MAGI2: variants seen among roughly 807,000 people sequenced by gnomAD.
The protein encoded by MAGI2 is membrane associated guanylate kinase, WW and PDZ domain containing 2, also known as membrane-associated guanylate kinase, WW and PDZ domain-containing protein 2.
MAGI2 carries 35 observed loss-of-function variants against 133.3 expected under a neutral mutation model. The ratio of observed to expected loss-of-function variants is 0.26; its 90% CI spans 0.20 to 0.35. The LOEUF is 0.35. Among genes scored for constraint, MAGI2 ranks in the 10% least tolerant of loss-of-function variants. MAGI2 has a pLI of 1.00. For synonymous variants in MAGI2, 729 were observed against 710.6 expected (o/e 1.03, Z -0.41); for missense variants, 1,636 against 1,863.4 (o/e 0.88, Z 2.25).
chr7:78,426,692 T>C (rs1037105654), intron 6 of MAGI2, among the ~76,000 whole-genome samples: 11 of 152,138 alleles, frequency 7.2e-5, no homozygotes, highest in African/African-American at 2.4e-4. Flanking sequence ...ACCACATATG[T>C]AATTGAAATT....
chr7:78,958,379 C>G (rs1221267167), intron 2 of MAGI2, among the ~76,000 whole-genome samples: 1 of 152,124 alleles, frequency 6.6e-6, no homozygotes, highest in Non-Finnish European at 1.5e-5. Flanking sequence ...CAGCCTGTTT[C>G]TAAGACTCCC....
At chr7:78,687,350 CATAGAG>C (rs1199379593) in intron 2 of MAGI2, among the ~76,000 whole-genome samples, 1 of 152,102 alleles carries the variant, frequency 6.6e-6, no homozygotes, top group African/African-American at 2.4e-5. Context: ...AATATAGTCA[CATAGAG>C]ATAAACTGTA....
intron 10 of MAGI2, among the ~76,000 whole-genome samples, chr7:78,246,102 G>A (rs921450517): frequency 2.0e-5 from 3 of 152,036 alleles, no homozygotes; most frequent in Non-Finnish European, 4.4e-5. Context: ...GTCAATCAGG[G>A]CCCAAAATAA....
intron 3 of MAGI2, among the ~76,000 whole-genome samples, chr7:78,563,375 C>A (rs1800606809): frequency 2.0e-5 from 3 of 152,186 alleles, no homozygotes; most frequent in Admixed American, 1.3e-4. Flanking sequence ...GGGCAGCATG[C>A]ACCTTCCCGT....
chr7:79,163,874 G>A (rs1824662203), intron 1 of MAGI2, among the ~76,000 whole-genome samples: 1 of 151,962 alleles, frequency 6.6e-6, no homozygotes, highest in South Asian at 2.1e-4. Context: ...AGGCACAATT[G>A]AAGACTCAGA....
chr7:78,437,187 G>A (rs1273790807), intron 6 of MAGI2, among the ~76,000 whole-genome samples: 2 of 152,146 alleles, frequency 1.3e-5, no homozygotes, highest in African/African-American at 4.8e-5. Flanking sequence ...TGGTGTGTCA[G>A]GCAATCCACG....
At chr7:79,290,528 A>T (rs12706102) in intron 1 of MAGI2, among the ~76,000 whole-genome samples, 91,564 of 151,798 alleles carry the variant, frequency 0.6, 29,295 homozygotes, top group Non-Finnish European at 0.7. Flanking sequence ...ATGCCAAAAA[A>T]TAAACATTCC....
intron 2 of MAGI2, among the ~76,000 whole-genome samples, chr7:78,848,385 A>G (rs1289435475): frequency 6.6e-6 from 1 of 151,994 alleles, no homozygotes; most frequent in South Asian, 2.1e-4. Context: ...AGATGTTCCT[A>G]TCCTAAATCA....
rs554010061 is a variant in MAGI2, at chr7:78,529,668, G to GTTTTTTTTTTTTTTTTTTTTTTTTTTTTT, written c.539-8052_539-8024dup. On this transcript the variant is annotated intron_variant, in intron 3 of 21. Transcript: ENST00000354212. ...TTTCTTTTCCTTGCTAAAGGAGATG[G>GTTTTTTTTTTTTTTTTTTTTTTTTTTTTT]TTTTTTTTTTTTTTTTTTTTTTTTT... Among the ~76,000 whole-genome samples the GTTTTTTTTTTTTTTTTTTTTTTTTTTTTT allele has an allele frequency of 2.4e-4, 14 of 57,428 alleles. 5 individuals carry two copies. Among genetic ancestry groups the GTTTTTTTTTTTTTTTTTTTTTTTTTTTTT allele is most frequent in the Admixed American group, 5.9e-4 (2 of 3,398 alleles). The allele number at this position is 57,428 out of a possible 152,430, so 37.7% of individuals were successfully genotyped here. A position where few individuals can be genotyped will look rare whatever the true frequency, so the allele number is the denominator to read the frequency against.
chr7:79,116,539 A>G (rs528584697), intron 1 of MAGI2, among the ~76,000 whole-genome samples: 26 of 152,272 alleles, frequency 1.7e-4, no homozygotes, highest in African/African-American at 5.8e-4. Flanking sequence ...TCACCTTGCC[A>G]TAATTACCTA....
chr7:78,103,014 T>A, intron 20 of MAGI2, among the ~76,000 whole-genome samples: 1 of 152,188 alleles, frequency 6.6e-6, no homozygotes, highest in East Asian at 1.9e-4. Context: ...TCTGTCCTGT[T>A]CTATGAGACT....
At chr7:78,712,834 G>A (rs576131072) in intron 2 of MAGI2, among the ~76,000 whole-genome samples, 32 of 151,968 alleles carry the variant, frequency 2.1e-4, no homozygotes, top group Non-Finnish European at 3.1e-4. Flanking sequence ...ATCAAAAATC[G>A]AAGAATTTAA....
chr7:78,489,425 A>G (rs759335), intron 6 of MAGI2, among the ~76,000 whole-genome samples: 99,339 of 151,830 alleles, frequency 0.65, 32,945 homozygotes, highest in South Asian at 0.83. Context: ...CTTATGCATC[A>G]TATCTGACTC....
intron 14 of MAGI2, among the ~76,000 whole-genome samples, chr7:78,172,688 G>A (rs1037353886): frequency 2.0e-5 from 3 of 152,144 alleles, no homozygotes; most frequent in Non-Finnish European, 2.9e-5. Flanking sequence ...ATACCATTTC[G>A]TATATACAGA....
At chr7:78,900,069 GC>G (rs1480590634) in intron 2 of MAGI2, among the ~76,000 whole-genome samples, 2 of 152,060 alleles carry the variant, frequency 1.3e-5, no homozygotes, top group Non-Finnish European at 2.9e-5. Context: ...TTTGAAAGGA[GC>G]CTCTTTGCTT....
chr7:78,874,053 T>C lies in MAGI2; in HGVS notation c.418+133037A>G, dbSNP rs570526061. Among the ~76,000 whole-genome samples, 6 of 152,348 alleles carry C rather than the reference T, an allele frequency of 3.9e-5. No individual in the cohort carries two copies. In the East Asian group the frequency reaches 1.2e-3, roughly 29 times the overall value. The stretch of plus-strand genomic sequence containing the variant: ...CTACAAAGAATCAGTATCTTTCTTA[T>C]GTTAATGAGAATAACCATATATGAA... On this transcript the variant is annotated intron_variant, in intron 2 of 21. Transcript: ENST00000354212.
intron 1 of MAGI2, among the ~76,000 whole-genome samples, chr7:79,121,124 G>A (rs1474348030): frequency 6.6e-6 from 1 of 152,036 alleles, no homozygotes; most frequent in Non-Finnish European, 1.5e-5. Flanking sequence ...AGGCTAATAA[G>A]GGAGTAAAAG....
intron 1 of MAGI2, among the ~76,000 whole-genome samples, chr7:79,261,087 G>A (rs1331461423): frequency 3.3e-5 from 5 of 152,200 alleles, no homozygotes; most frequent in Non-Finnish European, 1.5e-5. Flanking sequence ...ATTCAAGAGT[G>A]TTTACATGCT....
At chr7:78,771,795 T>C (rs369643149) in intron 2 of MAGI2, among the ~76,000 whole-genome samples, 13 of 152,222 alleles carry the variant, frequency 8.5e-5, no homozygotes, top group African/African-American at 2.9e-4. Flanking sequence ...AAAAAATAAG[T>C]GACAAAAACA....
Sources: allele counts gnomAD v4.1 joint callset (sites outside exome capture counted in the v4.1 genomes callset), GRCh38; gene constraint gnomAD v4.1.1; transcripts MANE v1.5; gene names NCBI Gene and HGNC (gene_info 2026-07-23, HGNC 2026-07-21).